MAGI2: variants seen among roughly 807,000 people sequenced by gnomAD.
MAGI2 encodes membrane-associated guanylate kinase, WW and PDZ domain-containing protein 2.
MAGI2 carries 35 observed loss-of-function variants against 133.3 expected under a neutral mutation model. That is an observed-to-expected ratio of 0.26 (90% CI 0.20 to 0.35). MAGI2 has a LOEUF of 0.35. Ranked by LOEUF, MAGI2 falls within the 10% of genes least tolerant of loss-of-function variation. MAGI2 has a pLI of 1.00. For missense variants in MAGI2, 1,636 were observed against 1,863.4 expected, an observed-to-expected ratio of 0.88 and a Z score of 2.25; for synonymous variants, 729 against 710.6, an observed-to-expected ratio of 1.03 and a Z score of -0.41.
chr7:79,099,239 T>C (rs1817760774), intron 1 of MAGI2, among the ~76,000 whole-genome samples: 1 of 152,092 alleles, frequency 6.6e-6, no homozygotes, highest in Non-Finnish European at 1.5e-5. Context: ...GAGAGCAAAG[T>C]ACAATGACTT....
intron 21 of MAGI2, among the ~76,000 whole-genome samples, chr7:78,037,810 C>T (rs935042794): frequency 6.6e-6 from 1 of 152,190 alleles, no homozygotes; most frequent in South Asian, 2.1e-4. Context: ...AAAAAGATCT[C>T]AGAGCTGAGG....
chr7:79,286,371 C>T (rs909309045), intron 1 of MAGI2, among the ~76,000 whole-genome samples: 4 of 152,046 alleles, frequency 2.6e-5, no homozygotes. Context: ...TTCAGAGAGA[C>T]TTGACAAAGT....
rs540913802 is a variant in MAGI2, at chr7:78,643,871, C to A, written c.419-16632G>T. On this transcript the variant is annotated intron_variant, in intron 2 of 21. Coordinates refer to ENST00000354212, the MANE Select transcript of MAGI2 (RefSeq NM_012301.4). ...GCCTACAGCAACATCTACACACACA[C>A]CCCCACACACACTATTGAAAAATGG... 6.6e-5 allele frequency among the ~76,000 whole-genome samples: 10 copies of A among 152,002 alleles called. No individual in the cohort carries two copies. The South Asian group carries it at 1.2e-3, about 19-fold the overall frequency.
intron 8 of MAGI2, chr7:78,345,607 T>G (rs1322332134): frequency 3.7e-6 from 1 of 269,992 alleles, no homozygotes; most frequent in Non-Finnish European, 7.1e-6. Context: ...ATTCTTGTGC[T>G]TGGTCTTTTA....
At chr7:78,185,298 A>G (rs1298237431) in intron 13 of MAGI2, among the ~76,000 whole-genome samples, 1 of 152,196 alleles carries the variant, frequency 6.6e-6, no homozygotes, top group Non-Finnish European at 1.5e-5. Context: ...AGTGCTCAAT[A>G]GCCACATGTA....
intron 1 of MAGI2, among the ~76,000 whole-genome samples, chr7:79,124,139 T>G (rs1173991339): frequency 6.6e-6 from 1 of 152,206 alleles, no homozygotes; most frequent in Non-Finnish European, 1.5e-5. Context: ...ATGAAAAGAT[T>G]TATCTCTAAA....
At position 78,311,704 on chromosome 7, in the gene MAGI2, T is replaced by A. The variant is rs913365142; in HGVS notation, c.1408+32074A>T. ...ATCTTTGTAAGTGCTCACATACTGA[T>A]AAAACATTTAGACTTTGTCTTTTTA... On this transcript the variant is annotated intron_variant, in intron 9 of 21. Transcript: ENST00000354212. Among the ~76,000 whole-genome samples, 15 of 152,158 alleles carry A rather than the reference T, an allele frequency of 9.9e-5. 1 individual carries two copies. Among genetic ancestry groups the A allele is most frequent in the Non-Finnish European group, 1.5e-5 (1 of 68,024 alleles).
intron 3 of MAGI2, among the ~76,000 whole-genome samples, chr7:78,529,668 GTTTTTTTTTTTTTT>G (rs554010061): frequency 1.4e-4 from 8 of 57,430 alleles, no homozygotes; most frequent in Non-Finnish European, 2.4e-4. Context: ...AAAGGAGATG[GTTTTTTTTTTTTTT>G]TTTTTTTTTT....
At chr7:78,278,895 G>A (rs991873213) in intron 9 of MAGI2, among the ~76,000 whole-genome samples, 1 of 152,112 alleles carries the variant, frequency 6.6e-6, no homozygotes, top group Non-Finnish European at 1.5e-5. Context: ...GCTATACAGA[G>A]ACCAAAGCTC....
chr7:79,136,590 A>G (rs1298938516), intron 1 of MAGI2, among the ~76,000 whole-genome samples: 1 of 152,250 alleles, frequency 6.6e-6, no homozygotes, highest in Non-Finnish European at 1.5e-5. Context: ...ACACCTATTC[A>G]GACCTATTGA....
intron 2 of MAGI2, among the ~76,000 whole-genome samples, chr7:78,759,429 T>A (rs993325326): frequency 2.6e-5 from 4 of 151,742 alleles, no homozygotes; most frequent in Non-Finnish European, 4.4e-5. Flanking sequence ...TCACAAATAA[T>A]TTTTTTTCAC....
At chr7:78,759,866 C>T (rs534426888) in intron 2 of MAGI2, among the ~76,000 whole-genome samples, 1 of 152,218 alleles carries the variant, frequency 6.6e-6, no homozygotes, top group African/African-American at 2.4e-5. Flanking sequence ...TGGTGGCTCA[C>T]ACCTGTAATC....
chr7:78,807,534 T>G (rs994072429), intron 2 of MAGI2, among the ~76,000 whole-genome samples: 1 of 152,098 alleles, frequency 6.6e-6, no homozygotes. Context: ...AGAATGACAG[T>G]GAAAAGGGCA....
intron 1 of MAGI2, among the ~76,000 whole-genome samples, chr7:79,300,210 C>G (rs1258152770): frequency 6.6e-6 from 1 of 152,100 alleles, no homozygotes. Context: ...TTGGAGGGCT[C>G]AGAGGAAGAC....
intron 1 of MAGI2, among the ~76,000 whole-genome samples, chr7:79,257,125 T>C (rs1453354463): frequency 6.6e-6 from 1 of 152,052 alleles, no homozygotes; most frequent in Non-Finnish European, 1.5e-5. Context: ...TTTCAAAACA[T>C]CATACATGAT....
chr7:78,626,826 A>G (rs1283313094), intron 3 of MAGI2, among the ~76,000 whole-genome samples: 2 of 148,362 alleles, frequency 1.3e-5, no homozygotes, highest in South Asian at 4.3e-4. Flanking sequence ...GAATACTTCA[A>G]TGTGTGTGTG....
At position 79,387,020 on chromosome 7, in the gene MAGI2, A is replaced by G. The variant is rs538093742; in HGVS notation, c.301+66000T>C. 2.6e-5 allele frequency among the ~76,000 whole-genome samples: 4 copies of G among 152,002 alleles called. No individual in the cohort carries two copies. The East Asian group carries it at 7.8e-4, about 29-fold the overall frequency. On this transcript the variant is annotated intron_variant, in intron 1 of 21. Transcript: ENST00000354212. ...ATGTATACACACACACACGTTATAT[A>G]TAAATAGTGAAAAGTTCATATGCCT...
chr7:78,502,818 C>G (rs573791312), intron 4 of MAGI2, among the ~76,000 whole-genome samples: 30 of 152,144 alleles, frequency 2.0e-4, no homozygotes, highest in African/African-American at 6.5e-4. Flanking sequence ...AACATATAAA[C>G]AGTATGAGTT....
intron 6 of MAGI2, among the ~76,000 whole-genome samples, chr7:78,410,481 C>T (rs754495486): frequency 3.3e-5 from 5 of 151,994 alleles, no homozygotes; most frequent in African/African-American, 7.2e-5. Context: ...CAGCATTTCT[C>T]ATTGCCCCCT....
Sources: allele counts gnomAD v4.1 joint callset (sites outside exome capture counted in the v4.1 genomes callset), GRCh38; gene constraint gnomAD v4.1.1; transcripts MANE v1.5; gene names NCBI Gene and HGNC (gene_info 2026-07-23, HGNC 2026-07-21).